The following TAF4 variants were observed in gnomAD, a reference collection of about 807,000 sequenced individuals.
TAF4 encodes the protein TATA-box binding protein associated factor 4.
TAF4 carries 9 observed loss-of-function variants against 90.3 expected under a neutral mutation model. The observed-to-expected ratio is 0.10, with a 90% CI of 0.06 to 0.17. The LOEUF (loss-of-function observed/expected upper bound fraction) is 0.17, where lower values mean the gene tolerates loss of function less well. Among genes scored for constraint, TAF4 ranks in the 10% least tolerant of loss-of-function variants. TAF4 has a pLI of 1.00. For missense variants in TAF4, 1,351 were observed against 1,370.7 expected (o/e 0.99, Z 0.23); for synonymous variants, 818 against 638.9 (o/e 1.28, Z -4.23).
chr20:62,063,771 C>T (rs1323434222), intron 1 of TAF4, among the ~76,000 whole-genome samples: 1 of 152,266 alleles, frequency 6.6e-6, no homozygotes, highest in Admixed American at 6.5e-5. Flanking sequence ...TGCTGAAACC[C>T]TACTCCACAG....
intron 12 of TAF4, among the ~76,000 whole-genome samples, chr20:61,998,591 G>A (rs1016044748): frequency 2.0e-5 from 3 of 152,138 alleles, no homozygotes; most frequent in South Asian, 2.1e-4. Flanking sequence ...ACCCACCCCC[G>A]TCCCTGGGGA....
At position 61,976,156 on chromosome 20, in the gene TAF4, C is replaced by G; in HGVS notation, c.*12G>C. On this transcript the variant is annotated 3_prime_UTR_variant, in exon 15 of 15. Coordinates refer to ENST00000252996, the MANE Select transcript of TAF4 (RefSeq NM_003185.4). ...TGCAAATATATAAAAAGTCCCCAGG[C>G]GTCCTCCTGTGTCACTTAAGGAATG... is the stretch of plus-strand genomic sequence containing the variant. The G allele has an allele frequency of 6.2e-7, 1 of 1,612,780 alleles. No homozygotes were observed.
At chr20:61,987,364 C>A (rs954627058) in intron 14 of TAF4, among the ~76,000 whole-genome samples, 1 of 152,198 alleles carries the variant, frequency 6.6e-6, no homozygotes, top group Admixed American at 6.5e-5. Context: ...GAAAGGACGT[C>A]GAGGACACTG....
intron 1 of TAF4, among the ~76,000 whole-genome samples, chr20:62,038,114 C>T (rs1161901525): frequency 1.3e-5 from 2 of 152,086 alleles, no homozygotes; most frequent in African/African-American, 2.4e-5. Flanking sequence ...CAGCAAGCTC[C>T]GCCTCCCAGG....
chr20:61,979,580 G>A (rs6089578), intron 14 of TAF4, among the ~76,000 whole-genome samples: 1 of 118,586 alleles, frequency 8.4e-6, no homozygotes, highest in Admixed American at 8.2e-5. Flanking sequence ...ATGCAGGCGC[G>A]ACGGCCTCTA....
Position 62,065,180 on chromosome 20 carries a change from C to T in TAF4, c.631G>A (p.Ala211Thr), listed in dbSNP as rs2056120228. The T allele has an allele frequency of 3.3e-6, 4 of 1,208,130 alleles. No homozygotes were observed. Among genetic ancestry groups the T allele is most frequent in the South Asian group, 1.4e-5 (1 of 72,462 alleles). The allele number at this position is 1,208,130 out of a possible 1,614,324, so 74.8% of individuals were successfully genotyped here. The stretch of plus-strand genomic sequence containing the variant: ...TTGACCAGGCTGACAGCAGGTGCGG[C>T]GGCGTGGTGCGAGTTCAGCAGCGCG... Reference protein sequence around the residue: ...SAALLNSHHAAAPAVSLVNNG... With the variant: ...SAALLNSHHATAPAVSLVNNG... The change falls in exon 1 of 15, where the codon GCC (alanine) becomes ACC (threonine). Residue 211 changes from alanine (A) to threonine (T), a missense_variant. By Grantham distance (58) the Ala-to-Thr change is moderately conservative. Around this residue, in one of 9 missense-constraint regions of TAF4, gnomAD observed 782 missense variants for 536.6 expected, o/e 1.46. Coordinates refer to ENST00000252996, the MANE Select transcript of TAF4 (RefSeq NM_003185.4).
intron 1 of TAF4, among the ~76,000 whole-genome samples, chr20:62,055,980 T>C (rs1187814043): frequency 6.6e-6 from 1 of 152,188 alleles, no homozygotes; most frequent in Non-Finnish European, 1.5e-5. Flanking sequence ...CTCACACCTG[T>C]AATCCCAGCA....
chr20:62,030,143 G>A (rs2055897055), intron 1 of TAF4, among the ~76,000 whole-genome samples: 1 of 152,246 alleles, frequency 6.6e-6, no homozygotes, highest in Non-Finnish European at 1.5e-5. Flanking sequence ...CGTGCACAAG[G>A]AGAGGAGGCA....
intron 14 of TAF4, chr20:61,980,291 C>T (rs1191101793): frequency 5.3e-5 from 8 of 152,284 alleles, no homozygotes; most frequent in Admixed American, 2.0e-4. Flanking sequence ...AGGGTCTGCG[C>T]CACCCAAACG....
intron 1 of TAF4, among the ~76,000 whole-genome samples, chr20:62,016,547 T>C (rs1181287732): frequency 6.6e-6 from 1 of 152,202 alleles, no homozygotes; most frequent in Non-Finnish European, 1.5e-5. Flanking sequence ...CTCCTGGCCT[T>C]ACACCAGTGG....
chr20:62,010,554 G>A lies in TAF4; in HGVS notation c.1642-389C>T, dbSNP rs557590707. On this transcript the variant is annotated intron_variant, in intron 3 of 14. Coordinates refer to ENST00000252996, the MANE Select transcript of TAF4 (RefSeq NM_003185.4). The surrounding 1 kb of genome is among the most constrained non-coding windows in gnomAD (Gnocchi z 4.5). ...AAATCAAAACAACAAACAGAAGAAC[G>A]GCTCCTGAAAGCTCCATCCTCCCAG... 6.6e-6 allele frequency among the ~76,000 whole-genome samples: 1 copy of A among 152,140 alleles called. No homozygotes were observed. The highest frequency in any genetic ancestry group is 6.5e-5 in the Admixed American group (1 of 15,268).
chr20:62,041,588 C>T (rs2055964056), intron 1 of TAF4, among the ~76,000 whole-genome samples: 1 of 151,904 alleles, frequency 6.6e-6, no homozygotes, highest in Non-Finnish European at 1.5e-5. Flanking sequence ...GAAATTGCGC[C>T]ACTGCACTCC....
rs756575157 is a variant in TAF4 at position 62,036,276 on chromosome 20, C to T, written c.1361-21569G>A. On this transcript the variant is annotated intron_variant, in intron 1 of 14. Coordinates refer to ENST00000252996, the MANE Select transcript of TAF4 (RefSeq NM_003185.4). ...CTGACCTCAGGTGATCCACCCGCCT[C>T]GGCCTCCCGAAGTGCTGGGATGACA... 7.2e-5 allele frequency among the ~76,000 whole-genome samples: 11 copies of T among 152,218 alleles called. No homozygotes were observed. In the South Asian group the frequency reaches 1.0e-3, roughly 14 times the overall value.
intron 1 of TAF4, among the ~76,000 whole-genome samples, chr20:62,015,230 G>A (rs1472525525): frequency 6.6e-6 from 1 of 152,238 alleles, no homozygotes. Context: ...TCGGGAGGCA[G>A]GGCAGTGCTG....
intron 1 of TAF4, among the ~76,000 whole-genome samples, chr20:62,053,466 C>A (rs1372609111): frequency 1.3e-5 from 2 of 152,186 alleles, no homozygotes; most frequent in African/African-American, 2.4e-5. Flanking sequence ...ACTGGGGCAC[C>A]CACATCTGAA....
chr20:62,047,525 C>T lies in TAF4; in HGVS notation c.1360+16926G>A, dbSNP rs6061408. Among the ~76,000 whole-genome samples, 1,036 of 152,306 alleles carry T rather than the reference C, an allele frequency of 6.8e-3. 16 individuals are homozygous for T. The highest frequency in any genetic ancestry group is 0.024 in the African/African-American group (980 of 41,566). ...CCCTCTACAGCGAGACCCTCCCCAC[C>T]CCCGCACAAGAAAGGGGCGCTGAGA... On this transcript the variant is annotated intron_variant, in intron 1 of 14. Transcript: ENST00000252996.
At chr20:62,014,932 T>C (rs914022483) in intron 1 of TAF4, among the ~76,000 whole-genome samples, 2 of 152,212 alleles carry the variant, frequency 1.3e-5, no homozygotes, top group African/African-American at 4.8e-5. Context: ...AAATGGCACC[T>C]GAGCCTTCCT....
rs1189147860 is a variant in TAF4, at chr20:62,014,553, G to C, written c.1515C>G (p.Thr505=). 1 of 1,612,554 alleles carries C rather than the reference G, an allele frequency of 6.2e-7. No individual in the cohort carries two copies. Among genetic ancestry groups the C allele is most frequent in the African/African-American group, 1.3e-5 (1 of 74,882 alleles). The change falls in exon 2 of 15, where the codon ACC becomes ACG. Residue 505 remains threonine (T), a synonymous_variant. Coordinates refer to ENST00000252996, the MANE Select transcript of TAF4 (RefSeq NM_003185.4). ...AGGGCACACGTGCACTCACCTGTACGGTGGAGATCTGGACGGGAGGGGCAC... is the reference window on the plus strand; with the variant it reads ...AGGGCACACGTGCACTCACCTGTACCGTGGAGATCTGGACGGGAGGGGCAC... The part of the protein sequence containing the change: ...PTSAPPVQIS[T]VQAPGTPIIA...
chr20:62,051,831 G>A (rs770585297), intron 1 of TAF4, among the ~76,000 whole-genome samples: 80 of 152,284 alleles, frequency 5.3e-4, no homozygotes, highest in Middle Eastern at 3.4e-3. Context: ...GGGGCGTCCC[G>A]GGTAGCAGGG....
Sources: allele counts gnomAD v4.1 joint callset (sites outside exome capture counted in the v4.1 genomes callset), GRCh38; gene constraint gnomAD v4.1.1; regional missense constraint gnomAD v4.1.1; non-coding constraint Gnocchi (gnomAD v3.1); transcripts MANE v1.5; gene names NCBI Gene and HGNC (gene_info 2026-07-23, HGNC 2026-07-21).